The following PTPRG variants were observed in gnomAD, a reference collection of about 807,000 sequenced individuals.
The protein encoded by PTPRG is protein tyrosine phosphatase receptor type G, also known as receptor-type tyrosine-protein phosphatase gamma.
A neutral mutation model predicts 165.3 loss-of-function variants in PTPRG; 102 were observed. The ratio of observed to expected loss-of-function variants is 0.62; its 90% CI spans 0.53 to 0.73. The LOEUF (loss-of-function observed/expected upper bound fraction) is 0.73, where lower values mean the gene tolerates loss of function less well. PTPRG is among the 30% of genes least tolerant of loss of function. The pLI is 0.00. For missense variants in PTPRG, 1,866 were observed against 1,861.4 expected, an observed-to-expected ratio of 1.00 and a Z score of -0.05; for synonymous variants, 675 against 669.5, an observed-to-expected ratio of 1.01 and a Z score of -0.13.
chr3:62,094,254 C>G (rs987608734), intron 5 of PTPRG, among the ~76,000 whole-genome samples: 8 of 152,288 alleles, frequency 5.3e-5, no homozygotes, highest in African/African-American at 1.7e-4. Context: ...CTCCCTACCC[C>G]CTTTTTCTTC....
chr3:61,687,335 A>AT (rs1421104113), intron 1 of PTPRG, among the ~76,000 whole-genome samples: 5 of 152,206 alleles, frequency 3.3e-5, no homozygotes, highest in African/African-American at 7.2e-5. Context: ...AGTGGAGAGC[A>AT]TGTGTGCTGC....
chr3:61,569,676 G>T (rs1181352290), intron 1 of PTPRG, among the ~76,000 whole-genome samples: 1 of 152,120 alleles, frequency 6.6e-6, no homozygotes, highest in Non-Finnish European at 1.5e-5. Flanking sequence ...GCGGACGGTG[G>T]AACTGAAAAG....
intron 1 of PTPRG, among the ~76,000 whole-genome samples, chr3:61,720,827 A>G (rs1482756313): frequency 2.0e-5 from 3 of 152,244 alleles, no homozygotes; most frequent in Non-Finnish European, 4.4e-5. Flanking sequence ...AAATGCAGTT[A>G]GAGGCTTTAG....
Position 61,900,421 on chromosome 3 carries a change from C to T in PTPRG, c.191-89204C>T, listed in dbSNP as rs146238795. 3.9e-4 allele frequency among the ~76,000 whole-genome samples: 60 copies of T among 152,318 alleles called. 1 individual carries two copies. The highest frequency in any genetic ancestry group is 1.4e-3 in the African/African-American group (57 of 41,582). On this transcript the variant is annotated intron_variant, in intron 2 of 29. Transcript: ENST00000474889. ...AAGGCCTGCTCCTCCTGTCATTAGA[C>T]ACATCTGTGGATCTGTTAGAAGTCT...
At chr3:61,911,950 A>C (rs1252759982) in intron 2 of PTPRG, among the ~76,000 whole-genome samples, 1 of 152,150 alleles carries the variant, frequency 6.6e-6, no homozygotes, top group Non-Finnish European at 1.5e-5. Flanking sequence ...CTCCTGGTAA[A>C]TCTGTGTATT....
At chr3:61,691,093 G>GT (rs201410525) in intron 1 of PTPRG, among the ~76,000 whole-genome samples, 10,438 of 152,218 alleles carry the variant, frequency 0.069, 518 homozygotes, top group Admixed American at 0.13. Context: ...ATGGAAAAAT[G>GT]TTTAAGATGT....
chr3:61,734,307 T>C (rs1202120137), intron 1 of PTPRG, among the ~76,000 whole-genome samples: 2 of 152,182 alleles, frequency 1.3e-5, no homozygotes, highest in Non-Finnish European at 2.9e-5. Flanking sequence ...TTATGTTAAA[T>C]ATCAAAGAAT....
At chr3:61,774,098 T>C (rs2034296615) in intron 2 of PTPRG, among the ~76,000 whole-genome samples, 1 of 152,112 alleles carries the variant, frequency 6.6e-6, no homozygotes, top group South Asian at 2.1e-4. Context: ...CATTCCAGGC[T>C]TAGAGAGTAT....
At chr3:62,095,753 T>G (rs1416268793) in intron 5 of PTPRG, among the ~76,000 whole-genome samples, 1 of 151,820 alleles carries the variant, frequency 6.6e-6, no homozygotes, top group East Asian at 1.9e-4. Context: ...CAGGTCCAGG[T>G]TTGGGGGAGT....
At chr3:61,767,523 C>A (rs1456694463) in intron 2 of PTPRG, among the ~76,000 whole-genome samples, 2 of 152,144 alleles carry the variant, frequency 1.3e-5, no homozygotes, top group Non-Finnish European at 2.9e-5. Flanking sequence ...TTAAAATATT[C>A]TTTCATATTA....
chr3:62,173,434 G>A (rs1705296219), intron 8 of PTPRG, among the ~76,000 whole-genome samples: 1 of 152,158 alleles, frequency 6.6e-6, no homozygotes. Flanking sequence ...AAAGATGGCA[G>A]ACCAGAGTTG....
chr3:61,581,274 C>A (rs1164618552), intron 1 of PTPRG, among the ~76,000 whole-genome samples: 1 of 152,206 alleles, frequency 6.6e-6, no homozygotes. Context: ...GTCTTTCTTT[C>A]ATGCCACACC....
chr3:62,090,625 C>A (rs1317384236), intron 5 of PTPRG, among the ~76,000 whole-genome samples: 1 of 152,206 alleles, frequency 6.6e-6, no homozygotes, highest in Non-Finnish European at 1.5e-5. Context: ...AAGAGACTTT[C>A]AGTGTCTGAC....
At chr3:61,855,671 T>G (rs76989645) in intron 2 of PTPRG, among the ~76,000 whole-genome samples, 1 of 139,808 alleles carries the variant, frequency 7.2e-6, no homozygotes, top group African/African-American at 2.7e-5. Context: ...TTTTTTTTTT[T>G]AAAAGCAAAG....
chr3:61,573,382 A>G (rs1201110918), intron 1 of PTPRG, among the ~76,000 whole-genome samples: 2 of 152,154 alleles, frequency 1.3e-5, no homozygotes, highest in African/African-American at 4.8e-5. Flanking sequence ...TGCCCTCCTA[A>G]TTTTTGCACA....
intron 2 of PTPRG, among the ~76,000 whole-genome samples, chr3:61,926,726 A>G (rs972049116): frequency 1.3e-5 from 2 of 151,798 alleles, no homozygotes; most frequent in Admixed American, 6.6e-5. Flanking sequence ...AAATGCCATT[A>G]TAATTCCAGT....
intron 4 of PTPRG, among the ~76,000 whole-genome samples, chr3:62,056,806 C>A (rs1407933075): frequency 1.3e-5 from 2 of 152,170 alleles, no homozygotes; most frequent in African/African-American, 4.8e-5. Flanking sequence ...ACTTGCTGTG[C>A]TTTGCCTAGA....
At chr3:61,749,544 A>C (rs2033348814) in intron 2 of PTPRG, 2 of 171,846 alleles carry the variant, frequency 1.2e-5, no homozygotes, top group South Asian at 1.3e-4. Context: ...GCATTGTTCT[A>C]ACTATGTTGA....
intron 2 of PTPRG, among the ~76,000 whole-genome samples, chr3:61,752,803 A>AAAAAAAAAAAG (rs2033493621): frequency 6.0e-4 from 20 of 33,128 alleles, no homozygotes; most frequent in Non-Finnish European, 1.2e-3. Context: ...AAAAAAAAAG[A>AAAAAAAAAAAG]AAAAAAAAAA....
Sources: allele counts gnomAD v4.1 joint callset (sites outside exome capture counted in the v4.1 genomes callset), GRCh38; gene constraint gnomAD v4.1.1; transcripts MANE v1.5; gene names NCBI Gene and HGNC (gene_info 2026-07-23, HGNC 2026-07-21).